ADAMTS12: variants seen among roughly 807,000 people sequenced by gnomAD.
ADAMTS12 encodes the protein A disintegrin and metalloproteinase with thrombospondin motifs 12.
In ADAMTS12, 118 loss-of-function variants were observed where a neutral mutation model predicts 167.8. The observed-to-expected ratio is 0.70, with a 90% CI of 0.61 to 0.82. The LOEUF (loss-of-function observed/expected upper bound fraction) is 0.82. Among genes scored for constraint, ADAMTS12 ranks in the 40% least tolerant of loss-of-function variants. The pLI is 0.00. For synonymous variants in ADAMTS12, 704 were observed against 716.9 expected (o/e 0.98, Z 0.29); for missense variants, 1,916 against 1,998.8 (o/e 0.96, Z 0.79).
intron 1 of ADAMTS12, among the ~76,000 whole-genome samples, chr5:33,881,874 A>G (rs1750462235): frequency 6.6e-6 from 1 of 151,646 alleles, no homozygotes; most frequent in Admixed American, 6.6e-5. Flanking sequence ...ATGCCCAGCC[A>G]CTAGCTTTTT....
At chr5:33,827,148 GC>G (rs1748101025) in intron 2 of ADAMTS12, among the ~76,000 whole-genome samples, 1 of 33,384 alleles carries the variant, frequency 3.0e-5, no homozygotes, top group African/African-American at 7.8e-5. Context: ...GCTTGGGGAA[GC>G]ACTTTCAGAA....
rs1174112774 is a variant in ADAMTS12 at position 33,528,085 on chromosome 5, GAA to G, written c.4607-721_4607-720del. Among the ~76,000 whole-genome samples, 35 of 122,148 alleles carry G rather than the reference GAA, an allele frequency of 2.9e-4. No homozygotes were observed. In the South Asian group the frequency reaches 6.2e-3, roughly 22 times the overall value. 80.1% of individuals were successfully genotyped at this position (122,148 alleles called of 152,430 possible). The stretch of plus-strand genomic sequence containing the variant: ...CACCCCAGGAAATATTACTCAACCA[GAA>G]AAAAAAAAAAAAGGAATGAAATAAT... On this transcript the variant is annotated intron_variant, in intron 23 of 23. Coordinates refer to ENST00000504830, the MANE Select transcript of ADAMTS12 (RefSeq NM_030955.4).
At chr5:33,761,268 G>A (rs1160436330) in intron 2 of ADAMTS12, among the ~76,000 whole-genome samples, 2 of 152,228 alleles carry the variant, frequency 1.3e-5, no homozygotes, top group East Asian at 3.8e-4. Context: ...CACTCTGATA[G>A]GCAAGGATCC....
intron 12 of ADAMTS12, 26 bp from the exon 13 acceptor site, chr5:33,630,939 C>A (rs1170610867): frequency 3.1e-6 from 5 of 1,605,854 alleles, no homozygotes; most frequent in Non-Finnish European, 4.3e-6. Context: ...AAGGCAAAGC[C>A]TTGCAAATTA....
At chr5:33,673,876 A>T (rs1741807078) in intron 5 of ADAMTS12, among the ~76,000 whole-genome samples, 1 of 12,772 alleles carries the variant, frequency 7.8e-5, no homozygotes, top group Non-Finnish European at 2.4e-3. Context: ...CCTTTAACCC[A>T]TTCAACCTCT....
At chr5:33,798,554 C>T (rs906987744) in intron 2 of ADAMTS12, among the ~76,000 whole-genome samples, 2 of 151,320 alleles carry the variant, frequency 1.3e-5, no homozygotes, top group African/African-American at 4.9e-5. Flanking sequence ...GATTCTCCCA[C>T]CTCAGCCTCC....
intron 16 of ADAMTS12, among the ~76,000 whole-genome samples, chr5:33,606,016 C>T (rs1738421921): frequency 1.3e-5 from 2 of 152,088 alleles, no homozygotes; most frequent in Non-Finnish European, 1.5e-5. Flanking sequence ...GGTGCAATCT[C>T]GACTCATTGC....
intron 2 of ADAMTS12, among the ~76,000 whole-genome samples, chr5:33,780,324 T>C (rs1018849723): frequency 2.0e-5 from 3 of 151,860 alleles, no homozygotes; most frequent in African/African-American, 7.2e-5. Flanking sequence ...AAAGAAGAAA[T>C]GCACCAAATT....
chr5:33,652,923 A>G (rs1422727107), intron 7 of ADAMTS12, among the ~76,000 whole-genome samples: 1 of 152,042 alleles, frequency 6.6e-6, no homozygotes. Context: ...CAGTTCTCTC[A>G]TTGTATATGG....
At chr5:33,749,870 T>A (rs1438719553) in intron 3 of ADAMTS12, among the ~76,000 whole-genome samples, 1 of 152,180 alleles carries the variant, frequency 6.6e-6, no homozygotes, top group Non-Finnish European at 1.5e-5. Context: ...AGGGGAGTTA[T>A]GAGAGAGAGG....
At chr5:33,891,303 C>T (rs987266669) in intron 1 of ADAMTS12, among the ~76,000 whole-genome samples, 4 of 152,174 alleles carry the variant, frequency 2.6e-5, no homozygotes, top group Admixed American at 2.0e-4. Context: ...TTTCCCCTTT[C>T]CTGACCAGAG....
chr5:33,629,873 C>T (rs530166606), intron 13 of ADAMTS12, among the ~76,000 whole-genome samples: 3 of 152,270 alleles, frequency 2.0e-5, no homozygotes, highest in East Asian at 3.9e-4. Flanking sequence ...ATGCACTATT[C>T]CCAAATAAGC....
intron 5 of ADAMTS12, among the ~76,000 whole-genome samples, chr5:33,667,193 T>C (rs4866359): frequency 0.94 from 142,394 of 151,848 alleles, 67,433 homozygotes; most frequent in East Asian, 1. Context: ...TGGTGCATAC[T>C]TGTAATCCCA....
chr5:33,867,757 T>C (rs1024778618), intron 2 of ADAMTS12, among the ~76,000 whole-genome samples: 12 of 152,230 alleles, frequency 7.9e-5, no homozygotes, highest in African/African-American at 2.7e-4. Flanking sequence ...TCTTCTAGAT[T>C]CTTACAGAAT....
chr5:33,533,274 T>C (rs1259343928), intron 23 of ADAMTS12, among the ~76,000 whole-genome samples: 3 of 152,220 alleles, frequency 2.0e-5, no homozygotes, highest in African/African-American at 4.8e-5. Context: ...GCTTCAGTTA[T>C]ATAAAAAATA....
chr5:33,807,065 G>A (rs920713658), intron 2 of ADAMTS12, among the ~76,000 whole-genome samples: 11 of 152,094 alleles, frequency 7.2e-5, no homozygotes, highest in African/African-American at 2.7e-4. Flanking sequence ...CAGCGTACAA[G>A]GCCCTTTCTC....
intron 19 of ADAMTS12, among the ~76,000 whole-genome samples, chr5:33,572,703 C>T (rs1438125217): frequency 1.4e-5 from 2 of 147,392 alleles, no homozygotes; most frequent in Non-Finnish European, 3.0e-5. Flanking sequence ...CAGGGATGCC[C>T]TCTCTCACCA....
chr5:33,702,764 C>T (rs566436446), intron 3 of ADAMTS12, among the ~76,000 whole-genome samples: 2 of 152,218 alleles, frequency 1.3e-5, no homozygotes, highest in African/African-American at 4.8e-5. Context: ...CAGGACAGTT[C>T]ATACAACTGT....
At chr5:33,711,287 T>C (rs1423789181) in intron 3 of ADAMTS12, among the ~76,000 whole-genome samples, 1 of 152,156 alleles carries the variant, frequency 6.6e-6, no homozygotes, top group East Asian at 1.9e-4. Context: ...AAGGCTCTGT[T>C]ACTTATTTCT....
Sources: gnomAD v4.1 joint callset for allele counts (sites outside exome capture counted in the v4.1 genomes callset) on GRCh38, gnomAD v4.1.1 for gene constraint, MANE v1.5 for transcripts, NCBI Gene and HGNC (gene_info 2026-07-23, HGNC 2026-07-21) for gene names.